PKM: variants seen among roughly 807,000 people sequenced by gnomAD.
The protein encoded by PKM is pyruvate kinase PKM.
In PKM, 18 loss-of-function variants were observed where a neutral mutation model predicts 49.8. That is an observed-to-expected ratio of 0.36 (90% CI 0.25 to 0.54). PKM has a LOEUF of 0.54. Among genes scored for constraint, PKM ranks in the 20% least tolerant of loss-of-function variants. The pLI is 0.89. For synonymous variants in PKM, 239 were observed against 261.8 expected (o/e 0.91, Z 0.84); for missense variants, 508 against 713.8 (o/e 0.71, Z 3.28).
rs1020222069 is a variant in PKM at position 72,200,736 on chromosome 15, C to T, written c.1308-81G>A. The T allele has an allele frequency of 8.2e-7, 1 of 1,223,864 alleles. No individual in the cohort carries two copies. The highest frequency in any genetic ancestry group is 1.2e-6 in the Non-Finnish European group (1 of 854,754). 75.8% of individuals were successfully genotyped at this position (1,223,864 alleles called of 1,614,324 possible). A position where few individuals can be genotyped will look rare whatever the true frequency, so the allele number is the denominator to read the frequency against. ...ACCCTCAGGGCGTTCAAACAGCTCA[C>T]CCTCTCATCCAGCTCACTGAGGGCT... On this transcript the variant is annotated intron_variant, in intron 9 of 10. Transcript: ENST00000335181. The surrounding 1 kb of genome is among the most constrained non-coding windows in gnomAD (Gnocchi z 4.6).
Position 72,199,150 on chromosome 15 carries a change from T to TGG in PKM, c.*498_*499dup. On this transcript the variant is annotated 3_prime_UTR_variant, in exon 11 of 11. Coordinates refer to ENST00000335181, the MANE Select transcript of PKM (RefSeq NM_002654.6). ...GAGTGTTTGCTGCAGGACAGCTGAG[T>TGG]GGAGGGTGGGGACAGGTGCAAACTG... The TGG allele has an allele frequency of 3.1e-6, 1 of 322,356 alleles. No individual in the cohort carries two copies. Among genetic ancestry groups the TGG allele is most frequent in the Non-Finnish European group, 6.1e-6 (1 of 164,146 alleles). The allele number at this position is 322,356 out of a possible 1,614,324, so 20.0% of individuals were successfully genotyped here.
chr15:72,208,991 C>T, intron 5 of PKM, 100 bp from the exon 6 acceptor site: 1 of 1,283,148 alleles, frequency 7.8e-7, no homozygotes, highest in South Asian at 1.3e-5. Flanking sequence ...GGAAGTGGTG[C>T]ATTATGGGTG....
intron 4 of PKM, 83 bp downstream of exon 4, chr15:72,210,264 A>G: frequency 6.8e-7 from 1 of 1,469,450 alleles, no homozygotes; most frequent in South Asian, 1.2e-5. Flanking sequence ...GGGAAGAAAC[A>G]TGGCAACCCA....
In PKM at chr15:72,206,801, G is replaced by A; in HGVS notation, c.1067C>T (p.Ala356Val). The A allele has an allele frequency of 6.2e-7, 1 of 1,613,916 alleles. No homozygotes were observed. The change falls in exon 8 of 11, where the codon GCC becomes GTC. Residue 356 changes from alanine to valine, a missense_variant. Coordinates refer to ENST00000335181, the MANE Select transcript of PKM (RefSeq NM_002654.6). Reference sequence around the variant, plus strand: ...TTCTCCAGACAGCATGATGCAGTCGGCTCCATCCAGGACTGCATTGGCCAC... The same window carrying A: ...TTCTCCAGACAGCATGATGCAGTCGACTCCATCCAGGACTGCATTGGCCAC... ...SDVANAVLDG[A>V]DCIMLSGETA...
chr15:72,230,362 G>C (rs577123854), intron 1 of PKM, among the ~76,000 whole-genome samples: 4 of 152,316 alleles, frequency 2.6e-5, no homozygotes, highest in South Asian at 4.1e-4. Flanking sequence ...CCCCGGACAC[G>C]GGGCCTCAGC....
At chr15:72,210,822 C>G (rs1174746839) in intron 3 of PKM, among the ~76,000 whole-genome samples, 1 of 152,110 alleles carries the variant, frequency 6.6e-6, no homozygotes, top group African/African-American at 2.4e-5. Context: ...TCTTTTTTCC[C>G]TAAGACTCAT....
intron 1 of PKM, among the ~76,000 whole-genome samples, chr15:72,227,358 G>A (rs192922504): frequency 1.9e-4 from 29 of 152,340 alleles, no homozygotes; most frequent in African/African-American, 7.0e-4. Flanking sequence ...GAGTGATTCA[G>A]AAAGAAGGGT....
chr15:72,221,691 G>A (rs950444493), intron 1 of PKM, among the ~76,000 whole-genome samples: 2 of 152,110 alleles, frequency 1.3e-5, no homozygotes, highest in Non-Finnish European at 2.9e-5. Context: ...TTGGGAGGAA[G>A]TAAATGAAAT....
At position 72,202,800 on chromosome 15, in the gene PKM, C is replaced by T. The variant is rs2081977727; in HGVS notation, c.1141-180G>A. On this transcript the variant is annotated intron_variant, in intron 8 of 10. Transcript: ENST00000335181. This position sits in a 1 kb window ranked among gnomAD's most constrained non-coding sequence, Gnocchi z 4.5. ...TCTGAGCTGAGCCAAGATCAAGACT[C>T]CACAGAAACCAGTCCTTCACCAAGT... is the stretch of plus-strand genomic sequence containing the variant. 2.8e-6 allele frequency: 2 copies of T among 706,016 alleles called. No homozygotes were observed. The highest frequency in any genetic ancestry group is 4.5e-5 in the Admixed American group (2 of 44,572). The allele number at this position is 706,016 out of a possible 1,614,324, so 43.7% of individuals were successfully genotyped here. A position where few individuals can be genotyped will look rare whatever the true frequency, so the allele number is the denominator to read the frequency against.
chr15:72,227,482 C>T (rs8192365), intron 1 of PKM, among the ~76,000 whole-genome samples: 3,666 of 152,280 alleles, frequency 0.024, 146 homozygotes, highest in African/African-American at 0.085. Flanking sequence ...CAGTGGCTCA[C>T]GCCCGTAATC....
upstream of PKM, chr15:72,231,559 T>A (rs1275644774): frequency 6.6e-6 from 1 of 152,442 alleles, no homozygotes; most frequent in Non-Finnish European, 1.5e-5. Flanking sequence ...GTGTCTTTTC[T>A]TGGCTCTCGG....
At chr15:72,228,633 C>T (rs1465492297) in intron 1 of PKM, 1 of 1,286,286 alleles carries the variant, frequency 7.8e-7, no homozygotes, top group Admixed American at 2.3e-5. Flanking sequence ...TCATCTTCCC[C>T]ACAGAGCCCC....
intron 6 of PKM, among the ~76,000 whole-genome samples, chr15:72,207,636 C>A (rs2082120384): frequency 6.6e-6 from 1 of 152,232 alleles, no homozygotes; most frequent in Non-Finnish European, 1.5e-5. Flanking sequence ...AGACAGGGAA[C>A]CTGAGGCCTG....
Position 72,217,489 on chromosome 15 carries a change from G to A in PKM, c.166C>T (p.Arg56Ter), listed in dbSNP as rs776915656. The change falls in exon 3 of 11, where the codon CGA becomes TGA. Residue 56 changes from arginine to a stop codon, truncating the protein, a stop_gained. Coordinates refer to ENST00000335181, the MANE Select transcript of PKM (RefSeq NM_002654.6). LOFTEE classifies it high-confidence loss of function. ...GIICTIGPASRSVETLKEMIK... is the reference protein window; with the variant it reads ...GIICTIGPAS The stretch of plus-strand genomic sequence containing the variant: ...ATCTCCTTCAACGTCTCCACTGATC[G>A]GGAAGCTGGGCCTATTAGGAAAAGT... 3.7e-6 allele frequency: 6 copies of A among 1,605,002 alleles called. No homozygotes were observed. The highest frequency in any genetic ancestry group is 2.7e-5 in the African/African-American group (2 of 74,708).
chr15:72,203,030 C>A, intron 8 of PKM: 1 of 1,614,176 alleles, frequency 6.2e-7, no homozygotes. Flanking sequence ...ACCTGCCAGA[C>A]TCCGTCAGAA....
intron 1 of PKM, among the ~76,000 whole-genome samples, chr15:72,230,549 G>A (rs571229776): frequency 1.3e-5 from 2 of 152,262 alleles, no homozygotes; most frequent in Admixed American, 1.3e-4. Context: ...CAGGGGGAGG[G>A]GCGGCGAGAG....
At chr15:72,204,991 G>A (rs745483559) in intron 8 of PKM, among the ~76,000 whole-genome samples, 10 of 152,142 alleles carry the variant, frequency 6.6e-5, no homozygotes, top group Non-Finnish European at 1.3e-4. Context: ...GTGAGACTGC[G>A]CCAAGAGTAT....
chr15:72,230,382 G>A (rs2082822463), intron 1 of PKM, among the ~76,000 whole-genome samples: 1 of 152,224 alleles, frequency 6.6e-6, no homozygotes, highest in Non-Finnish European at 1.5e-5. Context: ...CACCGCCCGA[G>A]CCTGCTGGGA....
chr15:72,211,598 G>A (rs2082254326), intron 3 of PKM, among the ~76,000 whole-genome samples: 1 of 152,008 alleles, frequency 6.6e-6, no homozygotes, highest in African/African-American at 2.4e-5. Context: ...TGGGAGGACA[G>A]TTTGGGCCAG....
Sources: allele counts gnomAD v4.1 joint callset (sites outside exome capture counted in the v4.1 genomes callset), GRCh38; gene constraint gnomAD v4.1.1; non-coding constraint Gnocchi (gnomAD v3.1); transcripts MANE v1.5; gene names NCBI Gene and HGNC (gene_info 2026-07-23, HGNC 2026-07-21).